KCNN2: variants seen among roughly 807,000 people sequenced by gnomAD.
KCNN2 encodes the protein potassium calcium-activated channel subfamily N member 2.
A neutral mutation model predicts 55.5 loss-of-function variants in KCNN2; 24 were observed. The ratio of observed to expected loss-of-function variants is 0.43; its 90% confidence interval spans 0.31 to 0.61. The LOEUF (loss-of-function observed/expected upper bound fraction) is 0.61. KCNN2 is among the 20% of genes least tolerant of loss of function. KCNN2 has a pLI of 0.08. For missense variants in KCNN2, 754 were observed against 853.6 expected, an observed-to-expected ratio of 0.88 and a Z score of 1.45; for synonymous variants, 431 against 336.1, an observed-to-expected ratio of 1.28 and a Z score of -3.09.
At chr5:114,374,701 G>A (rs778142565) in intron 2 of KCNN2, among the ~76,000 whole-genome samples, 15 of 152,122 alleles carry the variant, frequency 9.9e-5, no homozygotes, top group Admixed American at 9.8e-4. Flanking sequence ...TGTTATTGTT[G>A]AGTGAGTTTT....
At position 114,241,754 on chromosome 5, in the gene KCNN2, ATATATATACG is replaced by A. The variant is rs1754635829; in HGVS notation, c.-185+20198_-185+20207del. 1.1e-4 allele frequency among the ~76,000 whole-genome samples: 4 copies of A among 36,108 alleles called. 1 individual carries two copies. The highest frequency in any genetic ancestry group is 4.0e-4 in the African/African-American group (4 of 10,114). The allele number at this position is 36,108 out of a possible 152,430, so 23.7% of individuals were successfully genotyped here. On this transcript the variant is annotated intron_variant, in intron 2 of 10. Coordinates refer to the KCNN2 transcript ENST00000512097. ...TATACATATATACGTATATATATGT[ATATATATACG>A]TATATATATACATATATACGTATAT...
intron 6 of KCNN2, among the ~76,000 whole-genome samples, chr5:114,487,928 A>G (rs1747652247): frequency 6.6e-6 from 1 of 152,176 alleles, no homozygotes; most frequent in Non-Finnish European, 1.5e-5. Flanking sequence ...AGCTTTCCTT[A>G]TGAAACCTAC....
In KCNN2 at chr5:114,408,762, C is replaced by T. The variant is rs76737016; in HGVS notation, c.1637+3906C>T. ...GAGAGCCTCAAAATTGTGTACATGC[C>T]ATATATTTTCTTTTCAAAAATAGTT... On this transcript the variant is annotated intron_variant, in intron 3 of 7. Coordinates refer to ENST00000673685, the MANE Select transcript of KCNN2 (RefSeq NM_021614.4). 3.8e-3 allele frequency among the ~76,000 whole-genome samples: 582 copies of T among 152,240 alleles called. 6 individuals are homozygous for T. The highest frequency in any genetic ancestry group is 0.013 in the African/African-American group (547 of 41,558).
chr5:114,449,904 ACACACGCG>A lies in KCNN2; in HGVS notation c.1638-13143_1638-13136del, dbSNP rs1210839780. On this transcript the variant is annotated intron_variant, in intron 3 of 7. Transcript: ENST00000673685. Reference sequence around the variant, plus strand: ...TACACACACACACACACACACACACACACACGCGCGCGCTCGCGTGCGCGCACTCTTCC... The same window carrying A: ...TACACACACACACACACACACACACACGCGCTCGCGTGCGCGCACTCTTCC... 2.3e-3 allele frequency among the ~76,000 whole-genome samples: 67 copies of A among 29,468 alleles called. 1 individual carries two copies. Among genetic ancestry groups the A allele is most frequent in the Middle Eastern group, 0.031 (1 of 32 alleles). The allele number at this position is 29,468 out of a possible 152,430, so 19.3% of individuals were successfully genotyped here. A position where few individuals can be genotyped will look rare whatever the true frequency, so the allele number is the denominator to read the frequency against.
At chr5:114,369,958 T>A (rs1409365367) in intron 2 of KCNN2, among the ~76,000 whole-genome samples, 1 of 152,162 alleles carries the variant, frequency 6.6e-6, no homozygotes, top group Non-Finnish European at 1.5e-5. Context: ...CAGCCTGCGT[T>A]GATTTAACTT....
At chr5:114,413,262 C>T (rs1370785457) in intron 3 of KCNN2, among the ~76,000 whole-genome samples, 2 of 152,050 alleles carry the variant, frequency 1.3e-5, no homozygotes, top group Admixed American at 6.6e-5. Flanking sequence ...AGATATGCTT[C>T]TTGTTTTGTT....
chr5:114,308,924 C>T (rs1008933705), intron 2 of KCNN2, among the ~76,000 whole-genome samples: 3 of 152,062 alleles, frequency 2.0e-5, no homozygotes, highest in Admixed American at 6.6e-5. Context: ...GTATAGAAAA[C>T]TTATTTTCGT....
intron 2 of KCNN2, among the ~76,000 whole-genome samples, chr5:114,292,853 C>G (rs1257571056): frequency 6.6e-6 from 1 of 152,114 alleles, no homozygotes; most frequent in Non-Finnish European, 1.5e-5. Flanking sequence ...TGTTTGTATC[C>G]TCTTTTAATT....
At chr5:114,097,616 C>T (rs1004439232) in intron 1 of KCNN2, among the ~76,000 whole-genome samples, 1 of 152,324 alleles carries the variant, frequency 6.6e-6, no homozygotes, top group Admixed American at 6.5e-5. Context: ...GACAATTAAA[C>T]ATGAACGTCT....
At chr5:114,419,661 A>G (rs1289605479) in intron 3 of KCNN2, among the ~76,000 whole-genome samples, 1 of 152,206 alleles carries the variant, frequency 6.6e-6, no homozygotes, top group Non-Finnish European at 1.5e-5. Context: ...TACTAGCTAG[A>G]TGCATAAGTA....
intron 1 of KCNN2, among the ~76,000 whole-genome samples, chr5:114,127,723 T>C (rs1751968407): frequency 6.6e-6 from 1 of 152,228 alleles, no homozygotes; most frequent in Non-Finnish European, 1.5e-5. Context: ...GTTCTTGTTT[T>C]CTATTGCCTC....
At chr5:114,328,511 C>T (rs571539718) in intron 2 of KCNN2, among the ~76,000 whole-genome samples, 1 of 152,310 alleles carries the variant, frequency 6.6e-6, no homozygotes, top group South Asian at 2.1e-4. Context: ...CACTCTCATT[C>T]TCCCTTGTTA....
At chr5:114,320,705 G>A (rs1756598715) in intron 2 of KCNN2, among the ~76,000 whole-genome samples, 1 of 152,082 alleles carries the variant, frequency 6.6e-6, no homozygotes, top group Non-Finnish European at 1.5e-5. Flanking sequence ...GGTTTGGAGG[G>A]GTAGGGTGCA....
intron 2 of KCNN2, among the ~76,000 whole-genome samples, chr5:114,261,065 C>T (rs1429476684): frequency 2.6e-5 from 4 of 152,174 alleles, no homozygotes; most frequent in Non-Finnish European, 5.9e-5. Flanking sequence ...TCCATATAAA[C>T]ATGTGATAAA....
intron 2 of KCNN2, among the ~76,000 whole-genome samples, chr5:114,266,038 T>C (rs973796858): frequency 6.6e-6 from 1 of 152,218 alleles, no homozygotes; most frequent in African/African-American, 2.4e-5. Context: ...TTTAAAAATG[T>C]ATTTTTAATA....
intron 2 of KCNN2, among the ~76,000 whole-genome samples, chr5:114,395,635 A>T (rs1247373864): frequency 6.6e-6 from 1 of 152,220 alleles, no homozygotes; most frequent in Non-Finnish European, 1.5e-5. Context: ...TTCATACTTG[A>T]CAATGAATGA....
rs531507121 is a variant in KCNN2, at chr5:114,210,133, G to A, written c.-270-11347G>A. ...TTTTGCATTTTTGTGCTTTTTGTTG[G>A]TGATTTTGCTGTCTAAACTGGCTCC... is the stretch of plus-strand genomic sequence containing the variant. On this transcript the variant is annotated intron_variant, in intron 1 of 10. Coordinates refer to the KCNN2 transcript ENST00000512097. 2.6e-5 allele frequency among the ~76,000 whole-genome samples: 4 copies of A among 152,172 alleles called. No homozygotes were observed. The East Asian group carries it at 7.7e-4, about 29-fold the overall frequency.
Position 114,133,742 on chromosome 5 carries a change from G to GTTT in KCNN2, c.-271+77244_-271+77245insTTT, listed in dbSNP as rs151290221. Among the ~76,000 whole-genome samples, 651 of 152,280 alleles carry GTTT rather than the reference G, an allele frequency of 4.3e-3. 3 individuals carry two copies. Among genetic ancestry groups the GTTT allele is most frequent in the African/African-American group, 0.015 (613 of 41,560 alleles). The stretch of plus-strand genomic sequence containing the variant: ...TTATAAATAAGTGAAGATCCTAACA[G>GTTT]TTACTGAAAACAAATGTTAACACTA... On this transcript the variant is annotated intron_variant, in intron 1 of 10. Coordinates refer to the KCNN2 transcript ENST00000512097.
chr5:114,434,119 T>A (rs12523150), intron 3 of KCNN2, among the ~76,000 whole-genome samples: 21,289 of 152,178 alleles, frequency 0.14, 1,808 homozygotes, highest in Middle Eastern at 0.21. Flanking sequence ...TTCTGCAGTA[T>A]TAATTGAGCA....
Sources: allele counts gnomAD v4.1 joint callset (sites outside exome capture counted in the v4.1 genomes callset), GRCh38; gene constraint gnomAD v4.1.1; transcripts MANE v1.5; gene names NCBI Gene and HGNC (gene_info 2026-07-23, HGNC 2026-07-21).